The following PTPRN2 variants were observed in gnomAD, a reference collection of about 807,000 sequenced individuals.
PTPRN2 encodes the protein protein tyrosine phosphatase receptor type N2, also known as receptor-type tyrosine-protein phosphatase N2.
A neutral mutation model predicts 118.8 loss-of-function variants in PTPRN2; 74 were observed. That is an observed-to-expected ratio of 0.62 (90% CI 0.52 to 0.76). The LOEUF is 0.76. Among genes scored for constraint, PTPRN2 ranks in the 30% least tolerant of loss-of-function variants. The pLI is 0.00. For synonymous variants in PTPRN2, 641 were observed against 608.0 expected (o/e 1.05, Z -0.80); for missense variants, 1,481 against 1,394.4 (o/e 1.06, Z -0.99).
chr7:157,565,036 G>C (rs933241600), intron 21 of PTPRN2, among the ~76,000 whole-genome samples: 2 of 152,254 alleles, frequency 1.3e-5, no homozygotes, highest in African/African-American at 4.8e-5. Context: ...ATTATGCAAA[G>C]TGACATATAA....
chr7:158,309,355 C>T (rs1346351390), intron 3 of PTPRN2, among the ~76,000 whole-genome samples: 2 of 59,426 alleles, frequency 3.4e-5, no homozygotes, highest in Non-Finnish European at 7.8e-5. Flanking sequence ...AGCCTACACG[C>T]TACTCCCCTG....
chr7:157,914,586 T>C (rs1301791609), intron 11 of PTPRN2, among the ~76,000 whole-genome samples: 1 of 151,060 alleles, frequency 6.6e-6, no homozygotes, highest in Non-Finnish European at 1.5e-5. Flanking sequence ...TAAAGTTGGC[T>C]CTCAATGTAG....
chr7:158,210,377 C>T (rs913318846), intron 3 of PTPRN2, among the ~76,000 whole-genome samples: 5 of 151,754 alleles, frequency 3.3e-5, no homozygotes, highest in East Asian at 1.9e-4. Context: ...CCTCGTGATC[C>T]GCCCGCCTCG....
At chr7:158,531,677 C>T (rs1036346171) in intron 1 of PTPRN2, among the ~76,000 whole-genome samples, 7 of 152,246 alleles carry the variant, frequency 4.6e-5, no homozygotes, top group Non-Finnish European at 7.3e-5. Context: ...AAGAACAAAA[C>T]CAATGCACCA....
intron 6 of PTPRN2, among the ~76,000 whole-genome samples, chr7:158,151,939 C>T (rs1177415905): frequency 5.9e-5 from 9 of 151,852 alleles, no homozygotes; most frequent in Admixed American, 3.3e-4. Context: ...TTTGGGAGGC[C>T]GAGGCGGGTG....
chr7:158,394,300 A>C (rs1812164111), intron 2 of PTPRN2, among the ~76,000 whole-genome samples: 1 of 151,732 alleles, frequency 6.6e-6, no homozygotes, highest in Non-Finnish European at 1.5e-5. Flanking sequence ...TGGCTCCCCC[A>C]CCAAGGAGCA....
At position 158,316,846 on chromosome 7, in the gene PTPRN2, C is replaced by T. The variant is rs764331168; in HGVS notation, c.250G>A (p.Val84Met). ...GTGCCGGAAAGCTTCTGCAACGCCA[C>T]GCGCAGGCGCTGCAGGGCCACGGGC... ...VSPVALQRLR[V>M]ALQKLSGTGF... Residue 84 changes from valine to methionine, a missense_variant, in exon 3 of 23, where the codon GTG becomes ATG. Val to Met is a conservative substitution (Grantham distance 21). Coordinates refer to ENST00000389418, the MANE Select transcript of PTPRN2 (RefSeq NM_002847.5). 73 of 1,608,796 alleles carry T rather than the reference C, an allele frequency of 4.5e-5. 2 individuals carry two copies. The South Asian group carries it at 5.9e-4, about 13-fold the overall frequency.
chr7:158,271,338 C>T (rs181647710), intron 3 of PTPRN2, among the ~76,000 whole-genome samples: 39 of 152,320 alleles, frequency 2.6e-4, no homozygotes, highest in African/African-American at 8.2e-4. Context: ...ACTGAATATC[C>T]GACAATCGGC....
chr7:158,060,536 T>C (rs1470019509), intron 11 of PTPRN2, among the ~76,000 whole-genome samples: 1 of 152,258 alleles, frequency 6.6e-6, no homozygotes, highest in Non-Finnish European at 1.5e-5. Flanking sequence ...ACAGTCATGT[T>C]GGATTGGGAC....
At chr7:157,863,915 T>A (rs1162951664) in intron 12 of PTPRN2, 2 of 152,148 alleles carry the variant, frequency 1.3e-5, no homozygotes. Flanking sequence ...TCCAGAGCCG[T>A]GTGAAAAGAA....
chr7:157,900,790 A>C (rs1797394730), intron 11 of PTPRN2, among the ~76,000 whole-genome samples: 1 of 152,220 alleles, frequency 6.6e-6, no homozygotes, highest in Non-Finnish European at 1.5e-5. Context: ...TGTCCCCTGC[A>C]TAACAGAATT....
chr7:157,682,825 C>A lies in PTPRN2; in HGVS notation c.1901G>T (p.Gly634Val). The A allele has an allele frequency of 6.2e-7, 1 of 1,614,034 alleles. No individual in the cohort carries two copies. Among genetic ancestry groups the A allele is most frequent in the Non-Finnish European group, 8.5e-7 (1 of 1,180,014 alleles). The change falls in exon 13 of 23, where the codon GGC becomes GTC. Residue 634 changes from glycine to valine, a missense_variant. By Grantham distance (109) the Gly-to-Val change is moderately radical. Transcript: ENST00000389418. Reference sequence around the variant, plus strand: ...GCTATGGCGGAGGCAGTAGATGAGGCCAGAGGCCAGGAGGACGCCCAGGAT... The same window carrying A: ...GCTATGGCGGAGGCAGTAGATGAGGACAGAGGCCAGGAGGACGCCCAGGAT... ...ACILGVLLASGLIYCLRHSSQ... is the reference protein window; with the variant it reads ...ACILGVLLASVLIYCLRHSSQ...
chr7:157,759,128 G>A (rs1801984522), intron 12 of PTPRN2, among the ~76,000 whole-genome samples: 1 of 152,242 alleles, frequency 6.6e-6, no homozygotes, highest in African/African-American at 2.4e-5. Flanking sequence ...ACCTGCCTGG[G>A]GTTCGAGTCC....
chr7:158,329,672 C>A (rs1563147269), intron 2 of PTPRN2, among the ~76,000 whole-genome samples: 1 of 152,204 alleles, frequency 6.6e-6, no homozygotes, highest in Non-Finnish European at 1.5e-5. Flanking sequence ...GTACTTTGAG[C>A]AGCCTTCATG....
At chr7:158,458,168 G>C (rs1372820325) in intron 2 of PTPRN2, among the ~76,000 whole-genome samples, 1 of 152,172 alleles carries the variant, frequency 6.6e-6, no homozygotes, top group Admixed American at 6.5e-5. Flanking sequence ...CATCCTCCGA[G>C]CTTGGCCTGT....
chr7:157,804,328 G>A (rs1385680375), intron 12 of PTPRN2, among the ~76,000 whole-genome samples: 1 of 152,196 alleles, frequency 6.6e-6, no homozygotes, highest in African/African-American at 2.4e-5. Context: ...ATGTCTGTGA[G>A]GACTGCCTTC....
intron 5 of PTPRN2, among the ~76,000 whole-genome samples, chr7:158,171,635 GCCA>G (rs1400691716): frequency 6.6e-6 from 1 of 152,036 alleles, no homozygotes; most frequent in East Asian, 1.9e-4. Context: ...ACAAGCGTGA[GCCA>G]CCATGCCCAG....
chr7:158,252,580 G>A (rs1279478204), intron 3 of PTPRN2, among the ~76,000 whole-genome samples: 1 of 152,146 alleles, frequency 6.6e-6, no homozygotes, highest in Non-Finnish European at 1.5e-5. Flanking sequence ...CCAAAGGATG[G>A]CAGGACAGGA....
At chr7:157,696,823 GCA>G in intron 12 of PTPRN2, among the ~76,000 whole-genome samples, 1 of 121,080 alleles carries the variant, frequency 8.3e-6, no homozygotes. Flanking sequence ...ATCTACACAT[GCA>G]TACTGGGTCT....
Sources: allele counts gnomAD v4.1 joint callset (sites outside exome capture counted in the v4.1 genomes callset), GRCh38; gene constraint gnomAD v4.1.1; transcripts MANE v1.5; gene names NCBI Gene and HGNC (gene_info 2026-07-23, HGNC 2026-07-21).